The following ARHGEF3 variants were observed in gnomAD, a reference collection of about 807,000 sequenced individuals.
ARHGEF3 encodes the protein 59.8 kDA protein.
Under a neutral mutation model 63.2 loss-of-function variants are expected in ARHGEF3, and 28 were observed. The ratio of observed to expected loss-of-function variants is 0.44; its 90% CI spans 0.33 to 0.61. ARHGEF3 has a LOEUF of 0.61. Ranked by LOEUF, ARHGEF3 falls within the 20% of genes least tolerant of loss-of-function variation. The pLI is 0.03. For synonymous variants in ARHGEF3, 266 were observed against 254.2 expected, an observed-to-expected ratio of 1.05 and a Z score of -0.44; for missense variants, 533 against 659.3, an observed-to-expected ratio of 0.81 and a Z score of 2.10.
intron 4 of ARHGEF3, among the ~76,000 whole-genome samples, chr3:56,807,464 A>G (rs960257739): frequency 6.6e-6 from 1 of 152,194 alleles, no homozygotes; most frequent in African/African-American, 2.4e-5. Flanking sequence ...CTGGGCCTCC[A>G]ATATGTGTAC....
At chr3:57,060,455 C>T (rs1705160090) in intron 1 of ARHGEF3, 1 of 152,200 alleles carries the variant, frequency 6.6e-6, no homozygotes, top group African/African-American at 2.4e-5. Flanking sequence ...GAAGTGGGTA[C>T]ACCTGTCCCC....
intron 2 of ARHGEF3, among the ~76,000 whole-genome samples, chr3:56,983,311 G>A (rs1168749045): frequency 6.6e-6 from 1 of 152,132 alleles, no homozygotes; most frequent in Admixed American, 6.5e-5. Context: ...CTAGGGTTGA[G>A]TGGTAGCTGC....
At chr3:56,995,358 G>A (rs370074367) in intron 2 of ARHGEF3, among the ~76,000 whole-genome samples, 1 of 151,926 alleles carries the variant, frequency 6.6e-6, no homozygotes, top group East Asian at 1.9e-4. Flanking sequence ...ACTCTGATTT[G>A]TTGTATCAAA....
At chr3:56,839,914 C>T (rs1484006999) in intron 4 of ARHGEF3, among the ~76,000 whole-genome samples, 2 of 152,162 alleles carry the variant, frequency 1.3e-5, no homozygotes, top group African/African-American at 4.8e-5. Context: ...CCCGAAGGCT[C>T]CTGGTGCTCT....
At chr3:56,850,708 T>G (rs2039647275) in intron 4 of ARHGEF3, among the ~76,000 whole-genome samples, 1 of 152,204 alleles carries the variant, frequency 6.6e-6, no homozygotes, top group Non-Finnish European at 1.5e-5. Flanking sequence ...TGCCTGGCAC[T>G]ATGTGAGGCT....
intron 2 of ARHGEF3, among the ~76,000 whole-genome samples, chr3:57,031,497 C>T (rs1703733552): frequency 6.6e-6 from 1 of 152,146 alleles, no homozygotes; most frequent in African/African-American, 2.4e-5. Context: ...ATTATTATCC[C>T]CACTGACCAG....
At chr3:57,018,553 C>A (rs1022455748) in intron 2 of ARHGEF3, among the ~76,000 whole-genome samples, 1 of 152,180 alleles carries the variant, frequency 6.6e-6, no homozygotes, top group African/African-American at 2.4e-5. Context: ...TGAACCAGAG[C>A]AGTCTGGCTC....
intron 2 of ARHGEF3, among the ~76,000 whole-genome samples, chr3:56,986,009 C>T (rs1311890982): frequency 6.6e-6 from 1 of 152,180 alleles, no homozygotes; most frequent in Non-Finnish European, 1.5e-5. Context: ...CAGAAACTTA[C>T]CAAACATCAA....
intron 2 of ARHGEF3, among the ~76,000 whole-genome samples, chr3:56,986,714 C>A (rs550747577): frequency 6.6e-6 from 1 of 150,878 alleles, no homozygotes; most frequent in South Asian, 2.1e-4. Flanking sequence ...ACCTCGAAGG[C>A]AGTTTCAGGG....
chr3:56,988,297 C>G (rs756901393), intron 2 of ARHGEF3, among the ~76,000 whole-genome samples: 1 of 152,100 alleles, frequency 6.6e-6, no homozygotes, highest in Non-Finnish European at 1.5e-5. Context: ...CAGACGCACG[C>G]CACCATGCCC....
chr3:56,770,914 C>T (rs1236161659), intron 2 of ARHGEF3, among the ~76,000 whole-genome samples: 2 of 152,042 alleles, frequency 1.3e-5, no homozygotes, highest in Non-Finnish European at 2.9e-5. Flanking sequence ...GAGTTTGAGA[C>T]CAGTCTGGCC....
chr3:56,983,675 C>T (rs557870597), intron 2 of ARHGEF3, among the ~76,000 whole-genome samples: 8 of 152,290 alleles, frequency 5.3e-5, no homozygotes, highest in South Asian at 2.1e-4. Flanking sequence ...CAGTGGCTGA[C>T]GCCTGTAATG....
intron 3 of ARHGEF3, among the ~76,000 whole-genome samples, chr3:56,917,190 A>C (rs561253037): frequency 1.3e-5 from 2 of 152,194 alleles, no homozygotes; most frequent in African/African-American, 4.8e-5. Flanking sequence ...ATTGAAAACT[A>C]TGCCTGGCTC....
intron 3 of ARHGEF3, among the ~76,000 whole-genome samples, chr3:56,906,975 ATTTTTT>A (rs368006965): frequency 9.7e-5 from 7 of 72,368 alleles, no homozygotes; most frequent in South Asian, 1.1e-3. Context: ...CTCACATTCT[ATTTTTT>A]TTTTTTTTTT....
chr3:56,838,479 A>T (rs2039196213), intron 4 of ARHGEF3, among the ~76,000 whole-genome samples: 1 of 152,212 alleles, frequency 6.6e-6, no homozygotes, highest in African/African-American at 2.4e-5. Flanking sequence ...AAGGCTTTTT[A>T]AAAAGTCATA....
upstream of ARHGEF3, among the ~76,000 whole-genome samples, chr3:56,805,347 G>A (rs146008269): frequency 0.096 from 14,545 of 152,064 alleles, 1,494 homozygotes; most frequent in East Asian, 0.24. Flanking sequence ...CAATCCTCCC[G>A]CCTCAGCCCC....
At chr3:57,042,663 TA>T (rs1560155804) in intron 1 of ARHGEF3, among the ~76,000 whole-genome samples, 212 of 5,428 alleles carry the variant, frequency 0.039, 5 homozygotes, top group African/African-American at 0.11. Flanking sequence ...TATATATATA[TA>T]TATATATATA....
chr3:56,932,696 C>A (rs958578688), intron 3 of ARHGEF3, among the ~76,000 whole-genome samples: 6 of 152,108 alleles, frequency 3.9e-5, no homozygotes, highest in Admixed American at 2.6e-4. Context: ...GTTTATGGTT[C>A]GTGACATAAA....
chr3:56,790,594 T>C lies in ARHGEF3; in HGVS notation c.96+11109A>G, dbSNP rs147084876. Among the ~76,000 whole-genome samples, 65 of 152,284 alleles carry C rather than the reference T, an allele frequency of 4.3e-4. No homozygotes were observed. The East Asian group carries it at 0.012, about 28-fold the overall frequency. On this transcript the variant is annotated intron_variant, in intron 1 of 9. Coordinates refer to ENST00000296315, the MANE Select transcript of ARHGEF3 (RefSeq NM_019555.3). ...CCTGTGTGAAGTCAAAAATTAAAAA[T>C]AGTCTTCCCCAGTGACCTTTAGTTA... is the stretch of plus-strand genomic sequence containing the variant.
Sources: allele counts gnomAD v4.1 joint callset (sites outside exome capture counted in the v4.1 genomes callset), GRCh38; gene constraint gnomAD v4.1.1; transcripts MANE v1.5; gene names NCBI Gene and HGNC (gene_info 2026-07-23, HGNC 2026-07-21).